Variants in OSBPL1A observed in about 807,000 individuals in gnomAD.
The protein encoded by OSBPL1A is oxysterol-binding protein-related protein 1.
A neutral mutation model predicts 137.1 loss-of-function variants in OSBPL1A; 80 were observed. That is an observed-to-expected ratio of 0.58 (90% CI 0.49 to 0.70). The LOEUF (loss-of-function observed/expected upper bound fraction) is 0.70, where lower values mean the gene tolerates loss of function less well. Among genes scored for constraint, OSBPL1A ranks in the 30% least tolerant of loss-of-function variants. The pLI is 0.00. For synonymous variants in OSBPL1A, 365 were observed against 389.7 expected (o/e 0.94, Z 0.75); for missense variants, 970 against 1,129.4 (o/e 0.86, Z 2.02).
Position 24,312,144 on chromosome 18 carries a change from A to G in OSBPL1A, c.970-38T>C, listed in dbSNP as rs752883657. Reference sequence around the variant, plus strand: ...AAGAATTTAAATGAGAGTGAAAAGCATTTTTATTCCAAAGAGATAATATTA... The same window carrying G: ...AAGAATTTAAATGAGAGTGAAAAGCGTTTTTATTCCAAAGAGATAATATTA... On this transcript the variant is annotated intron_variant, in intron 12 of 27. Coordinates refer to ENST00000319481, the MANE Select transcript of OSBPL1A (RefSeq NM_080597.4). 10 of 1,608,252 alleles carry G rather than the reference A, an allele frequency of 6.2e-6. No homozygotes were observed. The Admixed American group carries it at 1.7e-4, about 27-fold the overall frequency.
intron 5 of OSBPL1A, among the ~76,000 whole-genome samples, chr18:24,339,970 A>C (rs2091246307): frequency 6.6e-6 from 1 of 152,218 alleles, no homozygotes; most frequent in Non-Finnish European, 1.5e-5. Context: ...TTTTACATAA[A>C]TAAAAATATT....
chr18:24,209,169 C>A (rs941295771), intron 17 of OSBPL1A, among the ~76,000 whole-genome samples: 4 of 152,184 alleles, frequency 2.6e-5, no homozygotes, highest in Admixed American at 1.3e-4. Flanking sequence ...AGAGAAAATA[C>A]TCATGATACG....
chr18:24,304,693 C>CT (rs2090468029), intron 13 of OSBPL1A, among the ~76,000 whole-genome samples: 1 of 152,152 alleles, frequency 6.6e-6, no homozygotes, highest in South Asian at 2.1e-4. Context: ...ATCAAACTTA[C>CT]TATAGATCAG....
intron 18 of OSBPL1A, among the ~76,000 whole-genome samples, chr18:24,182,597 C>G (rs926119048): frequency 6.6e-6 from 1 of 151,994 alleles, no homozygotes; most frequent in Admixed American, 6.6e-5. Flanking sequence ...GAAACTGGAG[C>G]GCAATCAAAG....
intron 5 of OSBPL1A, 113 bp from the exon 6 acceptor site, chr18:24,334,443 CA>C (rs1270303676): frequency 3.8e-5 from 24 of 623,604 alleles, no homozygotes; most frequent in Non-Finnish European, 6.2e-5. Context: ...GATTGTAATT[CA>C]AATGCAGTTA....
chr18:24,249,482 GATTTCAT>G (rs2146024517), intron 15 of OSBPL1A, among the ~76,000 whole-genome samples: 1 of 152,300 alleles, frequency 6.6e-6, no homozygotes, highest in South Asian at 2.1e-4. Context: ...CACAGCACCT[GATTTCAT>G]ATCTCTGAAA....
At position 24,209,004 on chromosome 18, in the gene OSBPL1A, G is replaced by T. The variant is rs375975159; in HGVS notation, c.1602-12804C>A. Among the ~76,000 whole-genome samples the T allele has an allele frequency of 2.6e-5, 4 of 152,202 alleles. No homozygotes were observed. The East Asian group carries it at 5.8e-4, about 22-fold the overall frequency. The stretch of plus-strand genomic sequence containing the variant: ...CCAGGGCAGTGGCTGAAAGTTTGGG[G>T]TAGGCAACAATTACTTAGAACCCCC... On this transcript the variant is annotated intron_variant, in intron 17 of 27. Transcript: ENST00000319481.
chr18:24,277,657 A>T (rs2089873181), intron 15 of OSBPL1A, among the ~76,000 whole-genome samples: 2 of 152,220 alleles, frequency 1.3e-5, no homozygotes, highest in Non-Finnish European at 2.9e-5. Context: ...GATAATAGAC[A>T]TGTAATTTAT....
At chr18:24,186,972 C>G (rs1040370656) in intron 18 of OSBPL1A, among the ~76,000 whole-genome samples, 1 of 150,872 alleles carries the variant, frequency 6.6e-6, no homozygotes, top group African/African-American at 2.4e-5. Flanking sequence ...AAACTAACAG[C>G]CTCATACCGC....
intron 1 of OSBPL1A, among the ~76,000 whole-genome samples, chr18:24,393,589 A>C (rs1392984365): frequency 1.3e-5 from 2 of 152,088 alleles, no homozygotes; most frequent in African/African-American, 4.8e-5. Flanking sequence ...AGTAGCTGGG[A>C]CTACAGCTGC....
intron 21 of OSBPL1A, among the ~76,000 whole-genome samples, chr18:24,174,232 T>G (rs116202645): frequency 1.5e-3 from 224 of 152,324 alleles, no homozygotes; most frequent in African/African-American, 5.0e-3. Context: ...TCCATTTCTC[T>G]AAGGCAAATA....
intron 15 of OSBPL1A, among the ~76,000 whole-genome samples, chr18:24,239,704 T>A (rs747452921): frequency 4.6e-5 from 7 of 152,132 alleles, no homozygotes; most frequent in Non-Finnish European, 8.8e-5. Context: ...ATAAAGAATA[T>A]TTCTCTCTCA....
chr18:24,383,232 A>G (rs546439375), intron 1 of OSBPL1A, among the ~76,000 whole-genome samples: 1 of 152,242 alleles, frequency 6.6e-6, no homozygotes, highest in Non-Finnish European at 1.5e-5. Flanking sequence ...TATATTTTCA[A>G]TCATGTACAT....
intron 15 of OSBPL1A, among the ~76,000 whole-genome samples, chr18:24,274,137 G>C (rs1288486081): frequency 6.6e-6 from 1 of 151,676 alleles, no homozygotes; most frequent in Non-Finnish European, 1.5e-5. Context: ...AGGAGGCTGA[G>C]GCAGGAGAAT....
At chr18:24,260,548 G>A (rs989264458) in intron 15 of OSBPL1A, among the ~76,000 whole-genome samples, 8 of 152,184 alleles carry the variant, frequency 5.3e-5, no homozygotes, top group Admixed American at 3.3e-4. Flanking sequence ...GCCAGACACA[G>A]AAGCTCACAT....
chr18:24,384,815 A>G lies in OSBPL1A; in HGVS notation c.-2-7280T>C, dbSNP rs890553020. 2.0e-5 allele frequency among the ~76,000 whole-genome samples: 3 copies of G among 151,454 alleles called. 1 individual carries two copies. Among genetic ancestry groups the G allele is most frequent in the Non-Finnish European group, 4.4e-5 (3 of 67,872 alleles). ...AACCTGGGAGGCAGGCAGAGGTTGCAGTGAGCCGAGAACGCGCCATTGCAC... is the reference window on the plus strand; with the variant it reads ...AACCTGGGAGGCAGGCAGAGGTTGCGGTGAGCCGAGAACGCGCCATTGCAC... On this transcript the variant is annotated intron_variant, in intron 1 of 27. Transcript: ENST00000319481.
chr18:24,250,474 C>A (rs1002680808), intron 15 of OSBPL1A, among the ~76,000 whole-genome samples: 6 of 152,190 alleles, frequency 3.9e-5, no homozygotes, highest in Non-Finnish European at 8.8e-5. Flanking sequence ...CTGCACCCAG[C>A]CTCCTGACGA....
chr18:24,175,186 TTTG>T (rs1223401579), intron 21 of OSBPL1A, among the ~76,000 whole-genome samples: 1 of 146,800 alleles, frequency 6.8e-6, no homozygotes, highest in Admixed American at 6.8e-5. Flanking sequence ...ATTGTTCTTT[TTTG>T]TTGTTGTTGT....
chr18:24,316,633 A>C (rs1599657565), intron 11 of OSBPL1A, among the ~76,000 whole-genome samples: 1 of 152,336 alleles, frequency 6.6e-6, no homozygotes, highest in East Asian at 1.9e-4. Flanking sequence ...TATGTTATCA[A>C]TAACAGAGAA....
Sources: gnomAD v4.1 joint callset for allele counts (sites outside exome capture counted in the v4.1 genomes callset) on GRCh38, gnomAD v4.1.1 for gene constraint, MANE v1.5 for transcripts, NCBI Gene and HGNC (gene_info 2026-07-23, HGNC 2026-07-21) for gene names.